CCSER2: variants seen among roughly 807,000 people sequenced by gnomAD.
CCSER2 encodes the protein serine-rich coiled-coil domain-containing protein 2.
CCSER2 carries 46 observed loss-of-function variants against 92.3 expected under a neutral mutation model. The ratio of observed to expected loss-of-function variants is 0.50; its 90% CI spans 0.39 to 0.64. The LOEUF (loss-of-function observed/expected upper bound fraction) is 0.64. Ranked by LOEUF, CCSER2 falls within the 30% of genes least tolerant of loss-of-function variation. The pLI, the probability that CCSER2 is intolerant of heterozygous loss-of-function variation, is 0.00. For synonymous variants in CCSER2, 433 were observed against 431.4 expected (o/e 1.00, Z -0.04); for missense variants, 1,244 against 1,238.9 (o/e 1.00, Z -0.06).
intron 6 of CCSER2, among the ~76,000 whole-genome samples, chr10:84,456,543 A>G (rs947163427): frequency 1.3e-5 from 2 of 152,174 alleles, no homozygotes; most frequent in Non-Finnish European, 2.9e-5. Flanking sequence ...ACTGCTGTGA[A>G]CATTTGTTTA....
At chr10:84,443,750 C>G (rs907191575) in intron 6 of CCSER2, among the ~76,000 whole-genome samples, 1 of 152,178 alleles carries the variant, frequency 6.6e-6, no homozygotes, top group Non-Finnish European at 1.5e-5. Context: ...CCCACATGCC[C>G]ATCAATGATA....
chr10:84,500,356 TG>T lies in CCSER2; in HGVS notation c.2326-13089del, dbSNP rs560668145. 9.8e-5 allele frequency among the ~76,000 whole-genome samples: 15 copies of T among 152,314 alleles called. No individual in the cohort carries two copies. The East Asian group carries it at 2.9e-3, about 29-fold the overall frequency. ...GTATGATGGACAGATGCATAATGTG[TG>T]GGGAGCAGGCTTACTAGACCATTGC... On this transcript the variant is annotated intron_variant, in intron 9 of 9. Transcript: ENST00000372088.
intron 3 of CCSER2, among the ~76,000 whole-genome samples, chr10:84,409,814 T>C (rs1415119888): frequency 6.6e-6 from 1 of 152,192 alleles, no homozygotes; most frequent in African/African-American, 2.4e-5. Flanking sequence ...TTCTTACACA[T>C]GTAAATGTGT....
intron 1 of CCSER2, among the ~76,000 whole-genome samples, chr10:84,334,213 T>C (rs1843716272): frequency 6.6e-6 from 1 of 152,124 alleles, no homozygotes; most frequent in Non-Finnish European, 1.5e-5. Context: ...AAGCTGATTG[T>C]GGTTGTATAG....
At chr10:84,395,874 T>C (rs1841801188) in intron 3 of CCSER2, among the ~76,000 whole-genome samples, 1 of 152,214 alleles carries the variant, frequency 6.6e-6, no homozygotes, top group African/African-American at 2.4e-5. Context: ...AGGAAGATTT[T>C]TATTGGAGAA....
intron 3 of CCSER2, among the ~76,000 whole-genome samples, chr10:84,394,966 G>A (rs1841747009): frequency 6.6e-6 from 1 of 152,070 alleles, no homozygotes; most frequent in Admixed American, 6.6e-5. Flanking sequence ...GATCATGCCT[G>A]TAATTCCAGC....
At chr10:84,351,309 C>G (rs1844846200) in intron 1 of CCSER2, among the ~76,000 whole-genome samples, 1 of 151,702 alleles carries the variant, frequency 6.6e-6, no homozygotes, top group South Asian at 2.1e-4. Context: ...GGTGTGATCT[C>G]AGATCACTAC....
chr10:84,432,503 A>T (rs1843837593), intron 5 of CCSER2, among the ~76,000 whole-genome samples: 1 of 152,282 alleles, frequency 6.6e-6, no homozygotes, highest in Middle Eastern at 3.4e-3. Flanking sequence ...AACATGTGGT[A>T]TTTGGTTTTC....
At position 84,513,525 on chromosome 10, in the gene CCSER2, G is replaced by C; in HGVS notation, c.2402G>C (p.Arg801Pro). Reference sequence around the variant, plus strand: ...CAGGGAAAACTAATAAAGCCACAACGTATCGAGGCCCGCAGTGAATGCTCA... The same window carrying C: ...CAGGGAAAACTAATAAAGCCACAACCTATCGAGGCCCGCAGTGAATGCTCA... ...HTQGKLIKPQ[R>P]IEARSECSIQ... The change falls in exon 10 of 10, where the codon CGT becomes CCT. Residue 801 changes from arginine to proline, a missense_variant. Physicochemically the swap from Arg to Pro is moderately radical, Grantham distance 103 (BLOSUM62 -2). Transcript: ENST00000372088. 1.1e-5 allele frequency: 18 copies of C among 1,614,052 alleles called. No individual in the cohort carries two copies. Among genetic ancestry groups the C allele is most frequent in the Non-Finnish European group, 1.5e-5 (18 of 1,180,004 alleles).
chr10:84,372,713 A>T (rs1846131587), intron 2 of CCSER2, among the ~76,000 whole-genome samples: 1 of 152,126 alleles, frequency 6.6e-6, no homozygotes, highest in African/African-American at 2.4e-5. Context: ...TGGCTGTTAT[A>T]CACAGCCTAT....
At chr10:84,341,236 A>G (rs1336381329) in intron 1 of CCSER2, among the ~76,000 whole-genome samples, 3 of 151,408 alleles carry the variant, frequency 2.0e-5, no homozygotes, top group Non-Finnish European at 4.4e-5. Context: ...GGTTTTGCCA[A>G]GTTGCCCAGG....
chr10:84,347,824 C>T (rs1016099433), intron 1 of CCSER2, among the ~76,000 whole-genome samples: 4 of 151,914 alleles, frequency 2.6e-5, no homozygotes, highest in African/African-American at 9.7e-5. Context: ...GGGGTCGTGG[C>T]TGGGCAGAGG....
intron 6 of CCSER2, among the ~76,000 whole-genome samples, chr10:84,461,628 A>G (rs1205994769): frequency 6.6e-6 from 1 of 151,660 alleles, no homozygotes; most frequent in African/African-American, 2.4e-5. Flanking sequence ...TTTCAGGTCT[A>G]AAATCTCCAT....
chr10:84,401,038 A>G (rs1842091888), intron 3 of CCSER2, among the ~76,000 whole-genome samples: 1 of 152,156 alleles, frequency 6.6e-6, no homozygotes, highest in Non-Finnish European at 1.5e-5. Flanking sequence ...TATTTTATCA[A>G]AATTTGTAGA....
intron 9 of CCSER2, among the ~76,000 whole-genome samples, chr10:84,493,598 A>T (rs186866349): frequency 6.6e-6 from 1 of 152,294 alleles, no homozygotes; most frequent in African/African-American, 2.4e-5. Context: ...TGGATTATTC[A>T]TGAGTTTTCC....
At chr10:84,479,737 C>A (rs1225134533) in intron 9 of CCSER2, among the ~76,000 whole-genome samples, 1 of 152,214 alleles carries the variant, frequency 6.6e-6, no homozygotes, top group East Asian at 1.9e-4. Flanking sequence ...CACTCTTTTT[C>A]TGCATGTGAA....
chr10:84,343,764 T>C (rs1336112056), intron 1 of CCSER2, among the ~76,000 whole-genome samples: 3 of 152,212 alleles, frequency 2.0e-5, no homozygotes, highest in African/African-American at 7.2e-5. Context: ...AGAAAGGATC[T>C]TGTAGACATT....
chr10:84,500,116 C>A (rs56347056), intron 9 of CCSER2: 54,556 of 423,880 alleles, frequency 0.13, 3,792 homozygotes, highest in Admixed American at 0.16. Context: ...TCTCTTAACA[C>A]TTCCTTTTAC....
intron 6 of CCSER2, among the ~76,000 whole-genome samples, chr10:84,461,824 T>C (rs1846120551): frequency 2.6e-5 from 4 of 152,152 alleles, no homozygotes; most frequent in Admixed American, 1.3e-4. Flanking sequence ...TGAGTTGACA[T>C]TTTCTCCTCT....
Sources: gnomAD v4.1 joint callset for allele counts (sites outside exome capture counted in the v4.1 genomes callset) on GRCh38, gnomAD v4.1.1 for gene constraint, MANE v1.5 for transcripts, NCBI Gene and HGNC (gene_info 2026-07-23, HGNC 2026-07-21) for gene names.